Variants in CPVL observed in about 807,000 individuals in gnomAD.
CPVL encodes the protein carboxypeptidase vitellogenic like.
In CPVL, 51 loss-of-function variants were observed where a neutral mutation model predicts 63.7. That is an observed-to-expected ratio of 0.80 (90% CI 0.64 to 1.01). CPVL has a LOEUF of 1.01. Ranked by LOEUF, CPVL falls within the 50% of genes least tolerant of loss-of-function variation. The probability of loss-of-function intolerance (pLI) is 0.00; values close to 1 mark genes in which losing one functional copy is unlikely to be tolerated. For synonymous variants in CPVL, 195 were observed against 206.0 expected (o/e 0.95, Z 0.46); for missense variants, 530 against 573.1 (o/e 0.92, Z 0.77).
At chr7:29,006,497 G>A (rs1785209520) in intron 12 of CPVL, among the ~76,000 whole-genome samples, 1 of 152,154 alleles carries the variant, frequency 6.6e-6, no homozygotes, top group Non-Finnish European at 1.5e-5. Context: ...TACCCTCACT[G>A]AGTTCTAGTA....
intron 2 of CPVL, among the ~76,000 whole-genome samples, chr7:29,119,131 A>G (rs1789077550): frequency 6.6e-6 from 1 of 152,174 alleles, no homozygotes; most frequent in African/African-American, 2.4e-5. Context: ...TTAGGAACCT[A>G]CTGAAGTCCA....
chr7:29,142,390 A>G (rs547473513), intron 1 of CPVL, among the ~76,000 whole-genome samples: 3 of 152,242 alleles, frequency 2.0e-5, no homozygotes, highest in Non-Finnish European at 4.4e-5. Context: ...TGACATTGCT[A>G]TTGGGCATTT....
chr7:29,114,362 A>G (rs1788555188), intron 2 of CPVL, among the ~76,000 whole-genome samples: 1 of 152,160 alleles, frequency 6.6e-6, no homozygotes, highest in South Asian at 2.1e-4. Context: ...AGTAGAGGAG[A>G]GCTGGGATTA....
intron 11 of CPVL, among the ~76,000 whole-genome samples, chr7:29,033,409 T>C (rs1008183347): frequency 6.6e-6 from 1 of 152,168 alleles, no homozygotes; most frequent in Non-Finnish European, 1.5e-5. Flanking sequence ...CACATCCTGA[T>C]AGAAAAGTTC....
chr7:29,120,420 TCAAACAAA>T (rs66524129), intron 2 of CPVL, among the ~76,000 whole-genome samples: 13 of 150,820 alleles, frequency 8.6e-5, no homozygotes, highest in East Asian at 3.9e-4. Context: ...AGACTCTGTC[TCAAACAAA>T]CAAACAAACA....
intron 11 of CPVL, among the ~76,000 whole-genome samples, chr7:29,055,017 T>C (rs1218855322): frequency 6.6e-6 from 1 of 152,206 alleles, no homozygotes; most frequent in East Asian, 1.9e-4. Flanking sequence ...TGTAACTCCA[T>C]TTTTATGCCT....
At chr7:29,117,452 G>A (rs532562570) in intron 2 of CPVL, among the ~76,000 whole-genome samples, 6 of 152,250 alleles carry the variant, frequency 3.9e-5, no homozygotes, top group Admixed American at 1.3e-4. Context: ...CATTTGGTAC[G>A]CACAGACCTT....
chr7:29,099,705 C>T (rs1483515414), intron 3 of CPVL, among the ~76,000 whole-genome samples: 2 of 152,156 alleles, frequency 1.3e-5, no homozygotes, highest in East Asian at 3.8e-4. Flanking sequence ...GAACAAGATT[C>T]TGTCTCAAAT....
intron 7 of CPVL, among the ~76,000 whole-genome samples, chr7:29,085,466 A>T (rs1332255130): frequency 6.6e-6 from 1 of 152,216 alleles, no homozygotes; most frequent in Non-Finnish European, 1.5e-5. Flanking sequence ...AAAAGGGAAA[A>T]ATCTTCCCTA....
intron 2 of CPVL, among the ~76,000 whole-genome samples, chr7:29,117,686 T>G (rs1788910920): frequency 6.6e-6 from 1 of 152,198 alleles, no homozygotes. Context: ...ATATTTGATT[T>G]CTCCGGGCCT....
chr7:29,091,441 AAG>A (rs1449104631), intron 6 of CPVL, among the ~76,000 whole-genome samples: 2 of 152,172 alleles, frequency 1.3e-5, no homozygotes, highest in Non-Finnish European at 2.9e-5. Context: ...AATCTGAAGA[AAG>A]AGAGCACACA....
chr7:29,134,281 T>C (rs1790975445), intron 1 of CPVL, among the ~76,000 whole-genome samples: 1 of 152,194 alleles, frequency 6.6e-6, no homozygotes, highest in South Asian at 2.1e-4. Context: ...CATAATGACA[T>C]GTAGGATCCT....
intron 12 of CPVL, chr7:29,010,490 C>T (rs534113058): frequency 1.1e-4 from 17 of 152,274 alleles, no homozygotes; most frequent in African/African-American, 4.1e-4. Context: ...ACTTTTATTT[C>T]CTATTAGGCT....
intron 5 of CPVL, among the ~76,000 whole-genome samples, chr7:29,172,889 G>A (rs1241031076): frequency 6.6e-6 from 1 of 152,012 alleles, no homozygotes; most frequent in East Asian, 1.9e-4. Context: ...CCAGCGTTTT[G>A]GGAGGCCGAG....
At chr7:29,192,107 G>A (rs1018051767) in intron 1 of CPVL, 4 of 152,188 alleles carry the variant, frequency 2.6e-5, no homozygotes, top group Admixed American at 6.5e-5. Context: ...GGGTGTCAAA[G>A]TTATAGCTCA....
upstream of CPVL, among the ~76,000 whole-genome samples, chr7:29,147,947 G>A (rs192913973): frequency 1.7e-4 from 26 of 152,280 alleles, no homozygotes; most frequent in Admixed American, 1.6e-3. Flanking sequence ...GCAGGGAGAG[G>A]CGATTTCCAG....
intron 11 of CPVL, among the ~76,000 whole-genome samples, chr7:29,061,673 G>A (rs1364145945): frequency 1.3e-5 from 2 of 151,842 alleles, no homozygotes; most frequent in African/African-American, 4.8e-5. Context: ...GAGGCCAGGT[G>A]CGGTGGTTCA....
intron 11 of CPVL, among the ~76,000 whole-genome samples, chr7:29,044,306 A>T (rs1469658457): frequency 6.6e-6 from 1 of 152,142 alleles, no homozygotes; most frequent in Non-Finnish European, 1.5e-5. Flanking sequence ...AATCCTAGGT[A>T]CTTGGGAGGC....
intron 1 of CPVL, among the ~76,000 whole-genome samples, chr7:29,132,760 T>C (rs1193060648): frequency 2.0e-5 from 3 of 152,224 alleles, no homozygotes; most frequent in Non-Finnish European, 4.4e-5. Context: ...AGTGCTGTGT[T>C]TTGAGCTCCC....
Sources: allele counts gnomAD v4.1 joint callset (sites outside exome capture counted in the v4.1 genomes callset), GRCh38; gene constraint gnomAD v4.1.1; transcripts MANE v1.5; gene names NCBI Gene and HGNC (gene_info 2026-07-23, HGNC 2026-07-21).